Variants in FBXO11 observed in about 807,000 individuals in gnomAD.
FBXO11 encodes F-box protein 11.
In FBXO11, 13 loss-of-function variants were observed where a neutral mutation model predicts 117.0. The ratio of observed to expected loss-of-function variants is 0.11; its 90% CI spans 0.07 to 0.18. FBXO11 has a LOEUF of 0.18. Ranked by LOEUF, FBXO11 falls within the 10% of genes least tolerant of loss-of-function variation. The pLI is 1.00. For synonymous variants in FBXO11, 490 were observed against 380.5 expected, an observed-to-expected ratio of 1.29 and a Z score of -3.35; for missense variants, 767 against 1,164.4, an observed-to-expected ratio of 0.66 and a Z score of 4.97.
chr2:47,831,246 G>T lies in FBXO11; in HGVS notation c.1398+1103C>A, dbSNP rs555367989. 8.2e-4 allele frequency among the ~76,000 whole-genome samples: 125 copies of T among 151,690 alleles called. 2 individuals carry two copies. In the South Asian group the frequency reaches 0.015, roughly 18 times the overall value. ...AGCCTGACCAACATGGTGAAACCCTGTTTCTACTAAAAATACAAAATTAGG... is the reference window on the plus strand; with the variant it reads ...AGCCTGACCAACATGGTGAAACCCTTTTTCTACTAAAAATACAAAATTAGG... On this transcript the variant is annotated intron_variant, in intron 11 of 22. Transcript: ENST00000403359.
In FBXO11 at chr2:47,839,763, T is replaced by C; in HGVS notation, c.239A>G (p.Asp80Gly). 1 of 1,612,554 alleles carries C rather than the reference T, an allele frequency of 6.2e-7. No homozygotes were observed. Among genetic ancestry groups the C allele is most frequent in the Non-Finnish European group, 8.5e-7 (1 of 1,179,664 alleles). Reference protein sequence around the residue: ...ERNNVGERDDDVPADMVAEES... With the variant: ...ERNNVGERDDGVPADMVAEES... The stretch of plus-strand genomic sequence containing the variant: ...TTCTGCAACCATATCTGCAGGCACA[T>C]CATCATCTGTTATAAACAAAAGCAA... The change falls in exon 2 of 23, where the codon GAT becomes GGT. Residue 80 changes from aspartate (D) to glycine (G), a missense_variant. Transcript: ENST00000403359.
intron 1 of FBXO11, among the ~76,000 whole-genome samples, chr2:47,868,505 C>T (rs1177450247): frequency 1.3e-5 from 2 of 152,122 alleles, no homozygotes; most frequent in African/African-American, 4.8e-5. Context: ...AATTACTTCT[C>T]AATTTTTTAT....
At chr2:47,814,123 T>C (rs1670836221) in intron 16 of FBXO11, 1 of 358,470 alleles carries the variant, frequency 2.8e-6, no homozygotes, top group Non-Finnish European at 5.2e-6. Context: ...TTAAGTGACA[T>C]ATATTCCCCT....
chr2:47,821,947 C>T (rs147334184), intron 13 of FBXO11, among the ~76,000 whole-genome samples: 76 of 152,148 alleles, frequency 5.0e-4, no homozygotes, highest in African/African-American at 1.7e-3. Flanking sequence ...GAGTGGGGCA[C>T]GGTGGCACAT....
chr2:47,809,498 C>G, intron 20 of FBXO11, 102 bp downstream of exon 20: 1 of 861,108 alleles, frequency 1.2e-6, no homozygotes, highest in South Asian at 1.7e-5. Context: ...TAAACTGTTG[C>G]TAACTTGGAG....
chr2:47,864,763 A>G (rs760450720), intron 1 of FBXO11, among the ~76,000 whole-genome samples: 3 of 152,238 alleles, frequency 2.0e-5, no homozygotes, highest in Admixed American at 1.3e-4. Flanking sequence ...ATATCTATGA[A>G]TTAGGTATTT....
At chr2:47,850,556 T>C (rs1673781510) in intron 1 of FBXO11, among the ~76,000 whole-genome samples, 1 of 152,202 alleles carries the variant, frequency 6.6e-6, no homozygotes, top group Non-Finnish European at 1.5e-5. Flanking sequence ...TGATGTAAAG[T>C]GGACTATTAA....
At chr2:47,818,913 CA>C in intron 15 of FBXO11, 42 bp downstream of exon 15, 1 of 1,567,942 alleles carries the variant, frequency 6.4e-7, no homozygotes, top group African/African-American at 1.4e-5. Context: ...CAAGTATTTA[CA>C]AAACAATGTA....
At chr2:47,843,140 C>T (rs576410607) in intron 1 of FBXO11, among the ~76,000 whole-genome samples, 3 of 152,234 alleles carry the variant, frequency 2.0e-5, no homozygotes, top group South Asian at 4.1e-4. Context: ...CAGTATGATA[C>T]GCCTAGGCAT....
Position 47,808,423 on chromosome 2 carries a change from G to A in FBXO11, c.2560C>T (p.His854Tyr). 1 of 1,585,240 alleles carries A rather than the reference G, an allele frequency of 6.3e-7. No individual in the cohort carries two copies. Among genetic ancestry groups the A allele is most frequent in the Non-Finnish European group, 8.5e-7 (1 of 1,170,114 alleles). Residue 854 changes from histidine to tyrosine, a missense_variant, in exon 22 of 23, where the codon CAT (histidine) becomes TAT (tyrosine). By Grantham distance (83) the His-to-Tyr change is moderately conservative. Around this residue, in one of 10 missense-constraint regions of FBXO11, gnomAD observed 47 missense variants for 117.3 expected, o/e 0.40. Transcript: ENST00000403359. ...SYPMHDFYRC[H>Y]TCNTTDRNAI... ...TTTCGATCTGTGGTGTTACAAGTAT[G>A]ACATCTAAAAAGCAAAAGCTTAAAT...
intron 1 of FBXO11, among the ~76,000 whole-genome samples, chr2:47,902,704 C>T (rs945932141): frequency 1.3e-5 from 2 of 152,050 alleles, no homozygotes. Flanking sequence ...TGCCTGAAAA[C>T]ATATTATACT....
At chr2:47,828,807 C>T (rs991935009) in intron 11 of FBXO11, among the ~76,000 whole-genome samples, 1 of 152,190 alleles carries the variant, frequency 6.6e-6, no homozygotes, top group African/African-American at 2.4e-5. Flanking sequence ...GTACCTTAGA[C>T]TTTCAATGAA....
At chr2:47,843,428 A>C (rs1374610003) in intron 1 of FBXO11, among the ~76,000 whole-genome samples, 1 of 149,578 alleles carries the variant, frequency 6.7e-6, no homozygotes, top group South Asian at 2.1e-4. Flanking sequence ...ATTTGTAGTT[A>C]ATCTTTTTTT....
chr2:47,888,577 C>T (rs148455907), intron 1 of FBXO11: 2 of 583,612 alleles, frequency 3.4e-6, no homozygotes, highest in African/African-American at 2.0e-5. Flanking sequence ...AGCTGAGCAA[C>T]CTTTTTCTTT....
chr2:47,827,480 T>C (rs529550953), intron 11 of FBXO11, among the ~76,000 whole-genome samples: 5 of 151,994 alleles, frequency 3.3e-5, no homozygotes. Flanking sequence ...CTAATTTTTG[T>C]ATTTTTAGTA....
chr2:47,900,894 A>ACACACACACGTG lies in FBXO11; in HGVS notation c.232+4594_232+4595insCACGTGTGTGTG, dbSNP rs1183984868. Reference sequence around the variant, plus strand: ...CACACGTGTATATATATACACGTATATATACACACATATATATGTATATAT... The same window carrying ACACACACACGTG: ...CACACGTGTATATATATACACGTATACACACACACGTGTATACACACATATATATGTATATAT... On this transcript the variant is annotated intron_variant, in intron 1 of 22. Transcript: ENST00000403359. Among the ~76,000 whole-genome samples, 49 of 144,274 alleles carry ACACACACACGTG rather than the reference A, an allele frequency of 3.4e-4. 5 individuals are homozygous for ACACACACACGTG. The highest frequency in any genetic ancestry group is 9.5e-4 in the African/African-American group (37 of 38,994). The allele number at this position is 144,274 out of a possible 152,430, so 94.6% of individuals were successfully genotyped here.
chr2:47,891,369 T>C (rs555557232), intron 1 of FBXO11, among the ~76,000 whole-genome samples: 3 of 152,342 alleles, frequency 2.0e-5, no homozygotes, highest in African/African-American at 4.8e-5. Context: ...TTCATTTAAG[T>C]GAAATCATGC....
At chr2:47,869,630 G>A (rs1675466829) in intron 1 of FBXO11, among the ~76,000 whole-genome samples, 1 of 152,150 alleles carries the variant, frequency 6.6e-6, no homozygotes, top group Non-Finnish European at 1.5e-5. Context: ...AGTACTTGCT[G>A]AAGGCAAAAA....
chr2:47,812,996 C>G (rs572827971), intron 18 of FBXO11: 5 of 509,710 alleles, frequency 9.8e-6, no homozygotes, highest in African/African-American at 7.7e-5. Flanking sequence ...TAAACAAATT[C>G]TATCTTTAAA....
Sources: gnomAD v4.1 joint callset for allele counts (sites outside exome capture counted in the v4.1 genomes callset) on GRCh38, gnomAD v4.1.1 for gene constraint, gnomAD v4.1.1 regional missense constraint, MANE v1.5 for transcripts, NCBI Gene and HGNC (gene_info 2026-07-23, HGNC 2026-07-21) for gene names.